GRIK4: variants seen among roughly 807,000 people sequenced by gnomAD.
GRIK4 encodes glutamate receptor ionotropic, kainate 4.
A neutral mutation model predicts 104.9 loss-of-function variants in GRIK4; 40 were observed. That is an observed-to-expected ratio of 0.38 (90% CI 0.30 to 0.50). GRIK4 has a LOEUF of 0.50. Among genes scored for constraint, GRIK4 ranks in the 20% least tolerant of loss-of-function variants. The pLI, the probability that GRIK4 is intolerant of heterozygous loss-of-function variation, is 0.93. For synonymous variants in GRIK4, 485 were observed against 524.9 expected, an observed-to-expected ratio of 0.92 and a Z score of 1.04; for missense variants, 1,047 against 1,308.1, an observed-to-expected ratio of 0.80 and a Z score of 3.08.
At chr11:120,624,399 C>A (rs1183336152) in intron 1 of GRIK4, among the ~76,000 whole-genome samples, 3 of 152,050 alleles carry the variant, frequency 2.0e-5, no homozygotes, top group Non-Finnish European at 4.4e-5. Context: ...GGTCCTGGCC[C>A]CAAAGCTAGG....
intron 1 of GRIK4, among the ~76,000 whole-genome samples, chr11:120,624,780 G>C (rs1949235664): frequency 6.6e-6 from 1 of 152,042 alleles, no homozygotes; most frequent in South Asian, 2.1e-4. Flanking sequence ...CTCACCTTCT[G>C]CCCTTCAGCT....
chr11:120,815,269 T>G, intron 4 of GRIK4, 109 bp from the exon 5 acceptor site: 4 of 666,474 alleles, frequency 6.0e-6, no homozygotes, highest in Non-Finnish European at 1.1e-5. Flanking sequence ...GGGCAGCGGG[T>G]GTGCAGAAGG....
intron 1 of GRIK4, among the ~76,000 whole-genome samples, chr11:120,520,061 T>A (rs1417791316): frequency 2.6e-5 from 4 of 151,902 alleles, no homozygotes; most frequent in African/African-American, 9.7e-5. Flanking sequence ...CCTGGCTAAT[T>A]TTTGTGTTTT....
chr11:120,603,116 T>C (rs1435027855), intron 1 of GRIK4, among the ~76,000 whole-genome samples: 1 of 152,146 alleles, frequency 6.6e-6, no homozygotes, highest in Non-Finnish European at 1.5e-5. Flanking sequence ...AGAGCTGAGG[T>C]CACAAATGGG....
chr11:120,801,203 C>T (rs1436258911), intron 3 of GRIK4, among the ~76,000 whole-genome samples: 1 of 152,158 alleles, frequency 6.6e-6, no homozygotes, highest in Non-Finnish European at 1.5e-5. Flanking sequence ...TTGTGTATGT[C>T]TGGCTTTATT....
At chr11:120,660,973 C>T (rs988193204) in intron 3 of GRIK4, among the ~76,000 whole-genome samples, 2 of 152,064 alleles carry the variant, frequency 1.3e-5, no homozygotes, top group African/African-American at 4.8e-5. Flanking sequence ...TGTGGGCAGG[C>T]GGGCTTCCAC....
chr11:120,750,974 CAT>C (rs1951538860), intron 3 of GRIK4, among the ~76,000 whole-genome samples: 1 of 152,206 alleles, frequency 6.6e-6, no homozygotes. Flanking sequence ...CTGAGGAACA[CAT>C]GTGCAGTAAA....
intron 1 of GRIK4, among the ~76,000 whole-genome samples, chr11:120,628,198 A>T (rs1019374111): frequency 2.6e-5 from 4 of 152,184 alleles, no homozygotes; most frequent in African/African-American, 9.7e-5. Flanking sequence ...GCTGTGAGGT[A>T]GAGGAGGCTG....
intron 8 of GRIK4, among the ~76,000 whole-genome samples, chr11:120,846,739 A>G (rs1953861220): frequency 6.6e-6 from 1 of 152,192 alleles, no homozygotes; most frequent in South Asian, 2.1e-4. Flanking sequence ...TCTTCTCTGG[A>G]GACAAGCTAG....
chr11:120,928,608 G>C (rs1282512275), intron 13 of GRIK4, among the ~76,000 whole-genome samples: 1 of 152,098 alleles, frequency 6.6e-6, no homozygotes, highest in Non-Finnish European at 1.5e-5. Context: ...TTGGACCTCT[G>C]TGCCGCATAA....
rs1303742407 is a variant in GRIK4, at chr11:120,831,946, G to C, written c.606G>C (p.Pro202=). 1.2e-6 allele frequency: 2 copies of C among 1,613,780 alleles called. No individual in the cohort carries two copies. Among genetic ancestry groups the C allele is most frequent in the Non-Finnish European group, 1.7e-6 (2 of 1,179,854 alleles). ...RMLDDTRDPT[P]LLKEIRDDKT... is the part of the protein sequence containing the mutation. The stretch of plus-strand genomic sequence containing the variant: ...TGGATGACACCCGGGACCCCACCCC[G>C]CTCCTCAAGGAGATCCGGGACGACA... Residue 202 remains proline (P), a synonymous_variant, in exon 7 of 21, where the codon CCG becomes CCC. Coordinates refer to ENST00000527524, the MANE Select transcript of GRIK4 (RefSeq NM_014619.5).
At chr11:120,697,563 C>T (rs907502412) in intron 3 of GRIK4, among the ~76,000 whole-genome samples, 11 of 152,082 alleles carry the variant, frequency 7.2e-5, no homozygotes, top group African/African-American at 1.9e-4. Context: ...TGTGGTGAGC[C>T]GAGATTGCAC....
In GRIK4 at chr11:120,967,673, A is replaced by G. The variant is rs1303801073; in HGVS notation, c.2395+350A>G. Among the ~76,000 whole-genome samples, 2 of 152,146 alleles carry G rather than the reference A, an allele frequency of 1.3e-5. No homozygotes were observed. The highest frequency in any genetic ancestry group is 2.9e-5 in the Non-Finnish European group (2 of 68,032). On this transcript the variant is annotated intron_variant, in intron 19 of 20. Coordinates refer to ENST00000527524, the MANE Select transcript of GRIK4 (RefSeq NM_014619.5). This position sits in a 1 kb window ranked among gnomAD's most constrained non-coding sequence, Gnocchi z 4.2. ...TTCAGTTTCCCATTCTTGCGTCTCT[A>G]CAGTATATTCTCCGCTACTAGCCAG... is the stretch of plus-strand genomic sequence containing the variant.
At chr11:120,937,120 C>T (rs1308299260) in intron 13 of GRIK4, among the ~76,000 whole-genome samples, 2 of 152,208 alleles carry the variant, frequency 1.3e-5, no homozygotes, top group Non-Finnish European at 2.9e-5. Context: ...TCACTGCAAC[C>T]TCCATCTCCC....
intron 3 of GRIK4, among the ~76,000 whole-genome samples, chr11:120,786,735 G>A (rs2155258): frequency 0.62 from 94,491 of 152,084 alleles, 30,780 homozygotes; most frequent in East Asian, 0.98. Context: ...CTTGCTAGTG[G>A]AAGATGAAGA....
intron 1 of GRIK4, among the ~76,000 whole-genome samples, chr11:120,581,495 GCAAT>G (rs1948580148): frequency 6.6e-6 from 1 of 152,110 alleles, no homozygotes; most frequent in South Asian, 2.1e-4. Context: ...ATGTTGTTGT[GCAAT>G]CAGTCTCTAG....
chr11:120,930,772 G>A (rs984825431), intron 13 of GRIK4, among the ~76,000 whole-genome samples: 2 of 152,206 alleles, frequency 1.3e-5, no homozygotes, highest in South Asian at 4.1e-4. Context: ...AAAGTACAAG[G>A]TGTGTTGAGA....
chr11:120,872,729 T>C (rs1954646786), intron 9 of GRIK4: 1 of 182,842 alleles, frequency 5.5e-6, no homozygotes, highest in East Asian at 1.5e-4. Context: ...GAGTGTATAG[T>C]CAATTGCACT....
Position 120,898,410 on chromosome 11 carries a change from T to C in GRIK4, c.1165-122T>C, listed in dbSNP as rs1265131782. The C allele has an allele frequency of 2.5e-5, 16 of 643,422 alleles. No individual in the cohort carries two copies. The East Asian group carries it at 4.2e-4, about 17-fold the overall frequency. 39.9% of individuals were successfully genotyped at this position (643,422 alleles called of 1,614,324 possible). ...TCCCTTCTGCAGTTCAGCCCCCGGCTCCGTACTCCACACCCCTCCCTGCTC... is the reference window on the plus strand; with the variant it reads ...TCCCTTCTGCAGTTCAGCCCCCGGCCCCGTACTCCACACCCCTCCCTGCTC... On this transcript the variant is annotated intron_variant, in intron 11 of 20. Coordinates refer to ENST00000527524, the MANE Select transcript of GRIK4 (RefSeq NM_014619.5).
Sources: allele counts gnomAD v4.1 joint callset (sites outside exome capture counted in the v4.1 genomes callset), GRCh38; gene constraint gnomAD v4.1.1; non-coding constraint Gnocchi (gnomAD v3.1); transcripts MANE v1.5; gene names NCBI Gene and HGNC (gene_info 2026-07-23, HGNC 2026-07-21).